The following LHFPL3 variants were observed in gnomAD, a reference collection of about 807,000 sequenced individuals.
LHFPL3 encodes LHFPL tetraspan subfamily member 3 protein.
In LHFPL3, 5 loss-of-function variants were observed where a neutral mutation model predicts 19.3. That is an observed-to-expected ratio of 0.26 (90% CI 0.14 to 0.54). The LOEUF is 0.54. LHFPL3 is among the 20% of genes least tolerant of loss of function. The pLI, the probability that LHFPL3 is intolerant of heterozygous loss-of-function variation, is 0.94. For missense variants in LHFPL3, 249 were observed against 307.4 expected, an observed-to-expected ratio of 0.81 and a Z score of 1.42; for synonymous variants, 133 against 126.2, an observed-to-expected ratio of 1.05 and a Z score of -0.36.
chr7:104,898,842 C>T (rs191287939), intron 2 of LHFPL3, among the ~76,000 whole-genome samples: 26 of 152,104 alleles, frequency 1.7e-4, no homozygotes, highest in Middle Eastern at 3.4e-3. Flanking sequence ...ATTGGCTAGG[C>T]ATGATGGCTC....
At chr7:104,443,208 C>T (rs1464025959) in intron 1 of LHFPL3, among the ~76,000 whole-genome samples, 3 of 152,128 alleles carry the variant, frequency 2.0e-5, no homozygotes, top group Admixed American at 6.5e-5. Flanking sequence ...CAAGATGCAG[C>T]CCTAAGCCTG....
intron 1 of LHFPL3, among the ~76,000 whole-genome samples, chr7:104,558,217 T>C (rs988533613): frequency 6.6e-6 from 1 of 151,770 alleles, no homozygotes; most frequent in Admixed American, 6.6e-5. Flanking sequence ...CTGGATCAAA[T>C]GGTATTTCCA....
chr7:104,768,363 C>T (rs1045001064), intron 2 of LHFPL3, among the ~76,000 whole-genome samples: 2 of 152,032 alleles, frequency 1.3e-5, no homozygotes, highest in Non-Finnish European at 2.9e-5. Flanking sequence ...TTTTGTGAAC[C>T]GACATCACAC....
At chr7:104,668,605 AC>A (rs1792407413) in intron 1 of LHFPL3, 1 of 1,612,548 alleles carries the variant, frequency 6.2e-7, no homozygotes, top group Non-Finnish European at 8.5e-7. Flanking sequence ...AGGGATGATG[AC>A]TACAGAGAAG....
At chr7:104,748,349 G>A (rs1794090756) in intron 2 of LHFPL3, among the ~76,000 whole-genome samples, 1 of 147,868 alleles carries the variant, frequency 6.8e-6, no homozygotes, top group Non-Finnish European at 1.5e-5. Flanking sequence ...TAAAGGGTCT[G>A]TGCTGAGGAG....
At chr7:104,514,188 C>G (rs1017794451) in intron 1 of LHFPL3, among the ~76,000 whole-genome samples, 5 of 151,580 alleles carry the variant, frequency 3.3e-5, no homozygotes, top group African/African-American at 1.2e-4. Flanking sequence ...AAGAAGCTCT[C>G]TCTCTCTTTC....
At chr7:104,587,318 G>A (rs377111272) in intron 1 of LHFPL3, among the ~76,000 whole-genome samples, 8 of 152,090 alleles carry the variant, frequency 5.3e-5, no homozygotes, top group East Asian at 1.9e-4. Flanking sequence ...CCCACCCTGT[G>A]TCCAAGTGTT....
rs1000726292 is a variant in LHFPL3 at position 104,674,736 on chromosome 7, A to G, written c.446-61939A>G. Among the ~76,000 whole-genome samples, 7 of 152,262 alleles carry G rather than the reference A, an allele frequency of 4.6e-5. No individual in the cohort carries two copies. The East Asian group carries it at 1.3e-3, about 29-fold the overall frequency. ...GGGAGAAAAAAGATTGACATACTTT[A>G]TATGAAACTGTAGTATTTCTATACT... is the stretch of plus-strand genomic sequence containing the variant. On this transcript the variant is annotated intron_variant, in intron 1 of 2. Transcript: ENST00000424859.
chr7:104,342,153 C>G (rs749908387), intron 1 of LHFPL3, among the ~76,000 whole-genome samples: 9 of 151,864 alleles, frequency 5.9e-5, no homozygotes, highest in Admixed American at 3.3e-4. Flanking sequence ...TGGAGATGGA[C>G]ACATGGGGAT....
intron 1 of LHFPL3, among the ~76,000 whole-genome samples, chr7:104,493,535 C>T (rs1175474162): frequency 6.6e-6 from 1 of 152,072 alleles, no homozygotes; most frequent in Non-Finnish European, 1.5e-5. Flanking sequence ...ACTGAGTCCA[C>T]TAACTCATTC....
intron 2 of LHFPL3, among the ~76,000 whole-genome samples, chr7:104,743,235 C>T (rs1175182476): frequency 2.6e-5 from 4 of 152,164 alleles, no homozygotes; most frequent in African/African-American, 9.7e-5. Context: ...GAGGCCCATA[C>T]ACTCATACCA....
chr7:104,569,227 C>A (rs1244557606), intron 1 of LHFPL3, among the ~76,000 whole-genome samples: 1 of 152,110 alleles, frequency 6.6e-6, no homozygotes, highest in Non-Finnish European at 1.5e-5. Context: ...AGTGTAGCAC[C>A]CATTACAGTA....
chr7:104,724,134 T>C (rs1021238496), intron 1 of LHFPL3, among the ~76,000 whole-genome samples: 1 of 142,190 alleles, frequency 7.0e-6, no homozygotes, highest in African/African-American at 3.1e-5. Context: ...TAGTTTCCAG[T>C]GGCTATACAA....
chr7:104,748,847 C>A (rs35494057), intron 2 of LHFPL3, among the ~76,000 whole-genome samples: 23 of 152,080 alleles, frequency 1.5e-4, no homozygotes, highest in African/African-American at 4.8e-4. Flanking sequence ...TTCTACCTTA[C>A]GAGAAACACC....
At chr7:104,703,222 T>C (rs1165427101) in intron 1 of LHFPL3, among the ~76,000 whole-genome samples, 1 of 152,240 alleles carries the variant, frequency 6.6e-6, no homozygotes. Flanking sequence ...TTAACTGTTC[T>C]GTGGACTCAG....
At chr7:104,705,363 G>A (rs1793172260) in intron 1 of LHFPL3, among the ~76,000 whole-genome samples, 1 of 151,958 alleles carries the variant, frequency 6.6e-6, no homozygotes, top group South Asian at 2.1e-4. Flanking sequence ...TGTTCTACCA[G>A]GTCTTCCAAA....
At chr7:104,379,008 C>T (rs1385554414) in intron 1 of LHFPL3, among the ~76,000 whole-genome samples, 1 of 152,192 alleles carries the variant, frequency 6.6e-6, no homozygotes, top group African/African-American at 2.4e-5. Flanking sequence ...TCCTAATTCT[C>T]CCAACACATC....
chr7:104,751,779 G>C (rs1052622725), intron 2 of LHFPL3, among the ~76,000 whole-genome samples: 1 of 152,122 alleles, frequency 6.6e-6, no homozygotes, highest in African/African-American at 2.4e-5. Context: ...TCAACTGTGA[G>C]AGGCTCTCCC....
chr7:104,891,715 G>A (rs375091054), intron 2 of LHFPL3, among the ~76,000 whole-genome samples: 1 of 152,240 alleles, frequency 6.6e-6, no homozygotes, highest in East Asian at 1.9e-4. Flanking sequence ...TGTGGAAGAA[G>A]AATGTCCTAT....
Sources: allele counts gnomAD v4.1 joint callset (sites outside exome capture counted in the v4.1 genomes callset), GRCh38; gene constraint gnomAD v4.1.1; transcripts MANE v1.5; gene names NCBI Gene and HGNC (gene_info 2026-07-23, HGNC 2026-07-21).